The following NAMPT variants were observed in gnomAD, a reference collection of about 807,000 sequenced individuals.
The protein encoded by NAMPT is nicotinamide phosphoribosyltransferase.
A neutral mutation model predicts 58.7 loss-of-function variants in NAMPT; 7 were observed. The observed-to-expected ratio is 0.12, with a 90% CI of 0.07 to 0.22. The LOEUF (loss-of-function observed/expected upper bound fraction) is 0.22, where lower values mean the gene tolerates loss of function less well. Among genes scored for constraint, NAMPT ranks in the 10% least tolerant of loss-of-function variants. The probability of loss-of-function intolerance (pLI) is 1.00; values close to 1 mark genes in which losing one functional copy is unlikely to be tolerated. For synonymous variants in NAMPT, 145 were observed against 198.1 expected, an observed-to-expected ratio of 0.73 and a Z score of 2.25; for missense variants, 271 against 567.9, an observed-to-expected ratio of 0.48 and a Z score of 5.31.
intron 10 of NAMPT, among the ~76,000 whole-genome samples, chr7:106,252,702 C>T (rs539041038): frequency 2.9e-4 from 44 of 152,152 alleles, no homozygotes; most frequent in Non-Finnish European, 5.9e-4. Context: ...ATTATGTAAT[C>T]CAAATCAAGT....
At chr7:106,255,579 C>A (rs1023616511) in intron 8 of NAMPT, among the ~76,000 whole-genome samples, 9 of 152,194 alleles carry the variant, frequency 5.9e-5, no homozygotes, top group African/African-American at 2.2e-4. Flanking sequence ...TTAAACAAAT[C>A]TACATTTAGA....
intron 1 of NAMPT, among the ~76,000 whole-genome samples, chr7:106,278,854 A>C (rs1481059544): frequency 6.6e-6 from 1 of 152,218 alleles, no homozygotes; most frequent in East Asian, 1.9e-4. Flanking sequence ...AATGGTGTGG[A>C]TCTTATAGCA....
intron 8 of NAMPT, among the ~76,000 whole-genome samples, chr7:106,259,148 A>G (rs1212824020): frequency 1.3e-5 from 2 of 152,230 alleles, no homozygotes; most frequent in Admixed American, 1.3e-4. Flanking sequence ...ACCCATATGA[A>G]GCAAATCCTC....
chr7:106,268,875 C>G (rs1792477676), intron 5 of NAMPT, among the ~76,000 whole-genome samples: 2 of 152,166 alleles, frequency 1.3e-5, no homozygotes, highest in African/African-American at 4.8e-5. Flanking sequence ...CTTACCCTGC[C>G]TTGAGCTTCT....
At chr7:106,271,971 CAAAAAA>C in intron 4 of NAMPT, 1 of 215,426 alleles carries the variant, frequency 4.6e-6, no homozygotes, top group South Asian at 6.1e-5. Context: ...ACAAGAAAAA[CAAAAAA>C]AAGGCTCGCA....
At chr7:106,277,309 C>G (rs1162214179) in intron 1 of NAMPT, 130 bp from the exon 2 acceptor site, 4 of 712,614 alleles carry the variant, frequency 5.6e-6, no homozygotes. Context: ...AGTTTCTTTT[C>G]CTGGCTATAC....
At chr7:106,268,835 C>T (rs1297703747) in intron 5 of NAMPT, among the ~76,000 whole-genome samples, 1 of 151,916 alleles carries the variant, frequency 6.6e-6, no homozygotes, top group Non-Finnish European at 1.5e-5. Flanking sequence ...TAACAGTGTC[C>T]CACCCCCACT....
intron 8 of NAMPT, among the ~76,000 whole-genome samples, chr7:106,255,889 T>C (rs1792190138): frequency 6.6e-6 from 1 of 151,968 alleles, no homozygotes; most frequent in South Asian, 2.1e-4. Context: ...ATAGAGAAAA[T>C]AGTTTCTGAC....
intron 6 of NAMPT, among the ~76,000 whole-genome samples, chr7:106,267,552 C>T (rs192126737): frequency 1.9e-4 from 29 of 151,960 alleles, no homozygotes; most frequent in Admixed American, 7.2e-4. Context: ...TTTAAAAAAC[C>T]TGATTTACGC....
At chr7:106,261,760 T>A (rs1792307091) in intron 7 of NAMPT, 53 bp from the exon 8 acceptor site, 1 of 1,530,382 alleles carries the variant, frequency 6.5e-7, no homozygotes, top group Non-Finnish European at 9.0e-7. Flanking sequence ...AAAACAAGTA[T>A]AAGAGCTTTT....
At chr7:106,263,209 T>C (rs1257728485) in intron 7 of NAMPT, 183 bp downstream of exon 7, 2 of 564,602 alleles carry the variant, frequency 3.5e-6, no homozygotes, top group Admixed American at 6.6e-5. Flanking sequence ...TAAGTCTTGG[T>C]ATCCTTCTGT....
intron 6 of NAMPT, among the ~76,000 whole-genome samples, chr7:106,267,863 A>AAAAC (rs1792452617): frequency 7.2e-6 from 1 of 138,464 alleles, no homozygotes; most frequent in Admixed American, 7.4e-5. Flanking sequence ...AAAAAAAAAA[A>AAAAC]AAAAAAAAAA....
intron 8 of NAMPT, 33 bp from the exon 9 acceptor site, chr7:106,254,537 A>G: frequency 6.2e-7 from 1 of 1,603,114 alleles, no homozygotes; most frequent in Non-Finnish European, 8.5e-7. Flanking sequence ...AACCAAACCA[A>G]ACCTTAATTT....
chr7:106,279,008 G>A (rs1562819417), intron 1 of NAMPT, among the ~76,000 whole-genome samples: 1 of 152,156 alleles, frequency 6.6e-6, no homozygotes. Context: ...AGAGTCAAAA[G>A]CAAAATGGAA....
At chr7:106,285,272 A>G, upstream of NAMPT, 2 of 770,654 alleles carry the variant, frequency 2.6e-6, no homozygotes, top group Non-Finnish European at 3.2e-6. Flanking sequence ...AGCTCTGGGA[A>G]GCTGGAGGCA....
rs1792391665 is a variant in NAMPT at position 106,265,438 on chromosome 7, C to G, written c.744-1821G>C. On this transcript the variant is annotated intron_variant, in intron 6 of 10. Coordinates refer to ENST00000222553, the MANE Select transcript of NAMPT (RefSeq NM_005746.3). ...CCTTTTTTCCCCTATTTCTATGGTTCCCTTTTCAGTCTTCCCAGATGCTGT... is the reference window on the plus strand; with the variant it reads ...CCTTTTTTCCCCTATTTCTATGGTTGCCTTTTCAGTCTTCCCAGATGCTGT... Among the ~76,000 whole-genome samples the G allele has an allele frequency of 2.0e-5, 3 of 152,040 alleles. No individual in the cohort carries two copies. The South Asian group carries it at 6.2e-4, about 31-fold the overall frequency.
intron 8 of NAMPT, among the ~76,000 whole-genome samples, chr7:106,255,587 A>G (rs1221246142): frequency 6.6e-6 from 1 of 152,236 alleles, no homozygotes; most frequent in African/African-American, 2.4e-5. Context: ...ATCTACATTT[A>G]GAAATGCAAC....
At chr7:106,282,268 T>C (rs1365697374) in intron 1 of NAMPT, among the ~76,000 whole-genome samples, 1 of 152,210 alleles carries the variant, frequency 6.6e-6, no homozygotes, top group Non-Finnish European at 1.5e-5. Flanking sequence ...TATATAAATT[T>C]CACAGCTCTT....
intron 4 of NAMPT, 143 bp from the exon 5 acceptor site, chr7:106,269,455 C>T (rs1792489123): frequency 2.7e-6 from 2 of 735,168 alleles, no homozygotes; most frequent in Non-Finnish European, 4.3e-6. Context: ...CAGCAGGATG[C>T]CTGCTGTGTG....
Sources: allele counts gnomAD v4.1 joint callset (sites outside exome capture counted in the v4.1 genomes callset), GRCh38; gene constraint gnomAD v4.1.1; transcripts MANE v1.5; gene names NCBI Gene and HGNC (gene_info 2026-07-23, HGNC 2026-07-21).